The following KCNN3 variants were observed in gnomAD, a reference collection of about 807,000 sequenced individuals.
KCNN3 encodes potassium calcium-activated channel subfamily N member 3.
Under a neutral mutation model 62.9 loss-of-function variants are expected in KCNN3, and 16 were observed. The observed-to-expected ratio is 0.25, with a 90% CI of 0.17 to 0.39. The LOEUF (loss-of-function observed/expected upper bound fraction) is 0.39. Among genes scored for constraint, KCNN3 ranks in the 10% least tolerant of loss-of-function variants. KCNN3 has a pLI of 1.00. For synonymous variants in KCNN3, 370 were observed against 389.2 expected (o/e 0.95, Z 0.58); for missense variants, 599 against 949.4 (o/e 0.63, Z 4.85).
intron 1 of KCNN3, chr1:154,868,314 G>C (rs1052908309): frequency 1.0e-6 from 1 of 986,130 alleles, no homozygotes; most frequent in Non-Finnish European, 1.2e-6. Context: ...TTTATTCTGA[G>C]TCCTCTCTCC....
chr1:154,823,310 G>T (rs1369020962), intron 1 of KCNN3, among the ~76,000 whole-genome samples: 1 of 152,188 alleles, frequency 6.6e-6, no homozygotes, highest in Non-Finnish European at 1.5e-5. Context: ...CAGTGACTGT[G>T]TGTATGGCGG....
intron 5 of KCNN3, among the ~76,000 whole-genome samples, chr1:154,718,458 G>A (rs919159527): frequency 6.6e-6 from 1 of 152,230 alleles, no homozygotes; most frequent in East Asian, 1.9e-4. Flanking sequence ...AAGCACATAT[G>A]TCTGCACTGG....
chr1:154,832,862 G>A (rs889061699), intron 1 of KCNN3, among the ~76,000 whole-genome samples: 3 of 152,162 alleles, frequency 2.0e-5, no homozygotes, highest in Non-Finnish European at 2.9e-5. Context: ...CTGACAAGAC[G>A]CACAACAGAT....
chr1:154,767,155 T>C (rs1316914669), intron 3 of KCNN3, among the ~76,000 whole-genome samples: 1 of 152,126 alleles, frequency 6.6e-6, no homozygotes, highest in East Asian at 1.9e-4. Context: ...TCTTTTTATC[T>C]CCTTACAATG....
chr1:154,839,767 CCACT>C (rs1291912367), intron 1 of KCNN3, among the ~76,000 whole-genome samples: 1 of 388 alleles, frequency 2.6e-3, no homozygotes, highest in Admixed American at 0.12. Context: ...GGGGCCCTGG[CCACT>C]GGCCACTGGT....
chr1:154,710,523 C>G (rs543256870), intron 7 of KCNN3, among the ~76,000 whole-genome samples: 1 of 152,188 alleles, frequency 6.6e-6, no homozygotes, highest in African/African-American at 2.4e-5. Context: ...GGGTTATTTA[C>G]GGCTTAGTTC....
At chr1:154,837,729 G>A (rs932239107) in intron 1 of KCNN3, among the ~76,000 whole-genome samples, 1 of 152,252 alleles carries the variant, frequency 6.6e-6, no homozygotes, top group Non-Finnish European at 1.5e-5. Context: ...GCTTGGGTCA[G>A]AGCAAAGGAA....
intron 2 of KCNN3, among the ~76,000 whole-genome samples, chr1:154,802,460 C>A (rs1322001960): frequency 6.6e-6 from 1 of 152,174 alleles, no homozygotes; most frequent in Non-Finnish European, 1.5e-5. Flanking sequence ...GACCTCAGGG[C>A]AGCTGGCCAG....
intron 1 of KCNN3, among the ~76,000 whole-genome samples, chr1:154,826,414 T>C (rs114873761): frequency 0.01 from 1,543 of 152,272 alleles, 23 homozygotes; most frequent in African/African-American, 0.035. Flanking sequence ...AACCCACTCT[T>C]ACAGAGGAGA....
intron 3 of KCNN3, among the ~76,000 whole-genome samples, chr1:154,744,725 A>G (rs1275732598): frequency 2.0e-5 from 3 of 152,196 alleles, no homozygotes; most frequent in Non-Finnish European, 4.4e-5. Context: ...AGGGCATGTG[A>G]TTCCAGCTTT....
intron 1 of KCNN3, among the ~76,000 whole-genome samples, chr1:154,828,742 C>T (rs1387270810): frequency 6.6e-6 from 1 of 152,202 alleles, no homozygotes; most frequent in Non-Finnish European, 1.5e-5. Flanking sequence ...CATGCATTCC[C>T]TTGTAGTCAA....
At position 154,705,501 on chromosome 1, in the gene KCNN3, T is replaced by C. The variant is rs1699950043; in HGVS notation, c.*2475A>G. The C allele has an allele frequency of 6.6e-6, 1 of 152,234 alleles. No homozygotes were observed. The highest frequency in any genetic ancestry group is 1.5e-5 in the Non-Finnish European group (1 of 68,032). 9.4% of individuals were successfully genotyped at this position (152,234 alleles called of 1,614,324 possible). A position where few individuals can be genotyped will look rare whatever the true frequency, so the allele number is the denominator to read the frequency against. ...CATGTGTTTCTAGGATGCCAGTGGC[T>C]ACTGCTACCAGAAATAACTCCAGTC... On this transcript the variant is annotated 3_prime_UTR_variant, in exon 8 of 8. Coordinates refer to ENST00000271915, the MANE Select transcript of KCNN3 (RefSeq NM_002249.6).
chr1:154,720,195 C>T (rs1191772865), intron 5 of KCNN3, among the ~76,000 whole-genome samples: 1 of 152,224 alleles, frequency 6.6e-6, no homozygotes, highest in African/African-American at 2.4e-5. Context: ...GGCCCACCCT[C>T]GCCCCTTTCT....
chr1:154,737,015 C>G (rs1700725349), intron 3 of KCNN3: 1 of 701,574 alleles, frequency 1.4e-6, no homozygotes, highest in Non-Finnish European at 2.6e-6. Flanking sequence ...GGAGCTTCGT[C>G]ATGGAGATAA....
chr1:154,866,768 G>C (rs1245864864), intron 1 of KCNN3, among the ~76,000 whole-genome samples: 1 of 152,228 alleles, frequency 6.6e-6, no homozygotes, highest in Non-Finnish European at 1.5e-5. Context: ...CGCCACTGCT[G>C]CTATGAGGGT....
intron 2 of KCNN3, among the ~76,000 whole-genome samples, chr1:154,796,309 TTCTTGCCCCTCCCCTGGTCTC>T (rs1649734048): frequency 1.3e-5 from 2 of 152,184 alleles, no homozygotes; most frequent in South Asian, 4.1e-4. Context: ...CAGATCTGAA[TTCTTGCCCCTCCCCTGGTCTC>T]CATAGCTCTT....
chr1:154,732,143 C>T (rs1700606883), intron 4 of KCNN3, among the ~76,000 whole-genome samples: 1 of 152,188 alleles, frequency 6.6e-6, no homozygotes, highest in South Asian at 2.1e-4. Flanking sequence ...CAGGGCAGGC[C>T]CTCCATCTCC....
chr1:154,708,711 C>A (rs1433611474), intron 7 of KCNN3, among the ~76,000 whole-genome samples: 1 of 151,930 alleles, frequency 6.6e-6, no homozygotes, highest in African/African-American at 2.4e-5. Context: ...ATCTGCAGCT[C>A]ACTAACAGTG....
At chr1:154,848,163 A>G (rs1342080980) in intron 1 of KCNN3, among the ~76,000 whole-genome samples, 1 of 152,018 alleles carries the variant, frequency 6.6e-6, no homozygotes, top group Non-Finnish European at 1.5e-5. Context: ...GTTCTCTGGG[A>G]CCAGAAGGCT....
Sources: gnomAD v4.1 joint callset for allele counts (sites outside exome capture counted in the v4.1 genomes callset) on GRCh38, gnomAD v4.1.1 for gene constraint, MANE v1.5 for transcripts, NCBI Gene and HGNC (gene_info 2026-07-23, HGNC 2026-07-21) for gene names.